Variants in PLXND1 observed in about 807,000 individuals in gnomAD.
PLXND1 encodes the protein plexin-D1.
Under a neutral mutation model 197.7 loss-of-function variants are expected in PLXND1, and 54 were observed. The observed-to-expected ratio is 0.27, with a 90% CI of 0.22 to 0.34. The LOEUF (loss-of-function observed/expected upper bound fraction) is 0.34, where lower values mean the gene tolerates loss of function less well. Among genes scored for constraint, PLXND1 ranks in the 10% least tolerant of loss-of-function variants. The probability of loss-of-function intolerance (pLI) is 1.00; values close to 1 mark genes in which losing one functional copy is unlikely to be tolerated. For missense variants in PLXND1, 2,127 were observed against 2,699.2 expected (o/e 0.79, Z 4.70); for synonymous variants, 1,180 against 1,161.2 (o/e 1.02, Z -0.33).
At chr3:129,562,026 CCT>C (rs2085069617) in intron 27 of PLXND1, 123 bp from the exon 28 acceptor site, 1 of 686,234 alleles carries the variant, frequency 1.5e-6, no homozygotes, top group African/African-American at 1.8e-5. Flanking sequence ...GCAAGCCATA[CCT>C]CTCTCTGAGC....
rs764619772 is a variant in PLXND1, at chr3:129,586,254, C to G, written c.1639G>C (p.Ala547Pro). Residue 547 changes from alanine to proline, a missense_variant, in exon 4 of 36, where the codon GCC becomes CCC. Ala to Pro is a conservative substitution (Grantham distance 27). This residue lies in a region of PLXND1 where 1,095 missense variants were observed against 1,259.8 expected (regional missense o/e 0.87). Transcript: ENST00000324093. ...TSHQMARVKVAACNVHSTCGD... is the reference protein window; with the variant it reads ...TSHQMARVKVPACNVHSTCGD... ...CAGGTGGAGTGCACGTTGCAGGCGG[C>G]GACCTTCACCCTGGCCATCTGGGGG... is the stretch of plus-strand genomic sequence containing the variant. 1 of 1,582,498 alleles carries G rather than the reference C, an allele frequency of 6.3e-7. No homozygotes were observed. The highest frequency in any genetic ancestry group is 2.0e-4 in the Middle Eastern group (1 of 5,058).
At chr3:129,581,165 C>T (rs980266960) in intron 8 of PLXND1, among the ~76,000 whole-genome samples, 4 of 152,242 alleles carry the variant, frequency 2.6e-5, no homozygotes, top group Non-Finnish European at 4.4e-5. Context: ...GCAGATCCCG[C>T]TGCCTGCTGC....
intron 1 of PLXND1, among the ~76,000 whole-genome samples, chr3:129,600,564 T>G (rs1481034892): frequency 6.6e-6 from 1 of 151,930 alleles, no homozygotes; most frequent in Admixed American, 6.6e-5. Context: ...GCTTATGGAC[T>G]GTATGCCCAT....
intron 8 of PLXND1, among the ~76,000 whole-genome samples, chr3:129,581,381 A>T (rs891754625): frequency 6.6e-6 from 1 of 152,156 alleles, no homozygotes; most frequent in African/African-American, 2.4e-5. Context: ...CAGCCATCTG[A>T]CAGGACGCTG....
rs1193781116 is a variant in PLXND1 at position 129,570,692 on chromosome 3, C to G, written c.3750+94G>C. On this transcript the variant is annotated intron_variant, in intron 19 of 35. Coordinates refer to ENST00000324093, the MANE Select transcript of PLXND1 (RefSeq NM_015103.3). ...CTGAGCTGTTGAGCGTGAAAACGCTCAGTGAATTCAGGTGCTGGGTGAGGG... is the reference window on the plus strand; with the variant it reads ...CTGAGCTGTTGAGCGTGAAAACGCTGAGTGAATTCAGGTGCTGGGTGAGGG... The G allele has an allele frequency of 2.4e-6, 3 of 1,258,794 alleles. No homozygotes were observed. The African/African-American group carries it at 4.4e-5, about 19-fold the overall frequency. The allele number at this position is 1,258,794 out of a possible 1,614,324, so 78.0% of individuals were successfully genotyped here.
intron 1 of PLXND1, among the ~76,000 whole-genome samples, chr3:129,604,218 C>A (rs1207549319): frequency 6.6e-6 from 1 of 152,204 alleles, no homozygotes; most frequent in African/African-American, 2.4e-5. Context: ...CCACGGCCCT[C>A]TCCTGCCCCC....
chr3:129,569,648 ATCT>A (rs2085193761), intron 20 of PLXND1, 192 bp downstream of exon 20: 4 of 570,412 alleles, frequency 7.0e-6, no homozygotes, highest in South Asian at 6.3e-5. Context: ...GCCACCTAAC[ATCT>A]TCTACCCATT....
rs199793511 is a variant in PLXND1 at position 129,574,473 on chromosome 3, C to T, written c.2548G>A (p.Ala850Thr). 7.4e-4 allele frequency: 1,199 copies of T among 1,612,968 alleles called. 16 individuals are homozygous for T. In the South Asian group the frequency reaches 8.7e-3, roughly 12 times the overall value. ...EPMTVMVYNC[A>T]MGSPDCSQCL... ...TGGGAACAGTCGGGGCTGCCCATGG[C>T]ACAGTTATAGACCATGACTGGGGAG... The change falls in exon 12 of 36, where the codon GCC (alanine) becomes ACC (threonine). Residue 850 changes from alanine (A) to threonine (T), a missense_variant. Physicochemically the swap from Ala to Thr is moderately conservative, Grantham distance 58 (BLOSUM62 0). Coordinates refer to ENST00000324093, the MANE Select transcript of PLXND1 (RefSeq NM_015103.3).
chr3:129,603,784 C>G (rs1018221034), intron 1 of PLXND1, among the ~76,000 whole-genome samples: 1 of 152,208 alleles, frequency 6.6e-6, no homozygotes, highest in African/African-American at 2.4e-5. Flanking sequence ...ATTCTTGTCA[C>G]AGCCATGGAG....
intron 16 of PLXND1, 21 bp downstream of exon 16, chr3:129,571,656 A>AG (rs761389982): frequency 6.2e-7 from 1 of 1,613,760 alleles, no homozygotes; most frequent in Non-Finnish European, 8.5e-7. Context: ...GCCTGGGGGA[A>AG]GGGCGGGGTG....
chr3:129,600,588 G>A (rs371611135), intron 1 of PLXND1, among the ~76,000 whole-genome samples: 8 of 151,994 alleles, frequency 5.3e-5, no homozygotes, highest in African/African-American at 1.2e-4. Context: ...CCTGGGGGTC[G>A]AGACATTCTC....
Position 129,606,010 on chromosome 3 carries a change from G to C in PLXND1, c.630C>G (p.Gly210=). The change falls in exon 1 of 36, where the codon GGC becomes GGG. Residue 210 remains glycine, a synonymous_variant. Transcript: ENST00000324093. ...AGCTGCCGTAACCGGTGTACGTGGC[G>C]CCCACGAGCAGGCGGCTGCCCCCCG... ...AGAGGSRLLV[G]ATYTGYGSSF... 6.2e-7 allele frequency: 1 copy of C among 1,608,296 alleles called. No homozygotes were observed. Among genetic ancestry groups the C allele is most frequent in the South Asian group, 1.1e-5 (1 of 90,882 alleles).
chr3:129,586,103 A>G, intron 4 of PLXND1, 22 bp from the exon 5 acceptor site: 2 of 1,613,626 alleles, frequency 1.2e-6, no homozygotes, highest in Non-Finnish European at 1.7e-6. Flanking sequence ...CCGCAGGGTC[A>G]GGACCCAGGT....
At chr3:129,567,301 G>A (rs2085154521) in intron 22 of PLXND1, among the ~76,000 whole-genome samples, 191 bp downstream of exon 22, 1 of 152,238 alleles carries the variant, frequency 6.6e-6, no homozygotes, top group Non-Finnish European at 1.5e-5. Context: ...AGTGAGCAGA[G>A]AATGACAGTG....
At chr3:129,592,341 A>G (rs1237881782) in intron 1 of PLXND1, among the ~76,000 whole-genome samples, 1 of 152,260 alleles carries the variant, frequency 6.6e-6, no homozygotes, top group Non-Finnish European at 1.5e-5. Flanking sequence ...CTAGGTAACT[A>G]AGTAACTTTT....
At chr3:129,573,055 T>C in intron 13 of PLXND1, 114 bp from the exon 14 acceptor site, 2 of 702,104 alleles carry the variant, frequency 2.8e-6, no homozygotes, top group Middle Eastern at 2.9e-4. Context: ...GCCTTCTATG[T>C]ATAATTTACC....
At position 129,589,537 on chromosome 3, in the gene PLXND1, G is replaced by T. The variant is rs751105131; in HGVS notation, c.1312-10C>A. On this transcript the variant is annotated splice_polypyrimidine_tract_variant and intron_variant, in intron 1 of 35. Transcript: ENST00000324093. Reference sequence around the variant, plus strand: ...GCTGCTCTGGCTGGAGCTGGAAGAGGAACGGCACGTCAGATCCCAGCTCCA... The same window carrying T: ...GCTGCTCTGGCTGGAGCTGGAAGAGTAACGGCACGTCAGATCCCAGCTCCA... 2.9e-5 allele frequency: 45 copies of T among 1,561,280 alleles called. No individual in the cohort carries two copies. The highest frequency in any genetic ancestry group is 3.8e-5 in the Non-Finnish European group (44 of 1,155,238).
chr3:129,583,364 A>G (rs1302656855), intron 8 of PLXND1, among the ~76,000 whole-genome samples: 1 of 152,210 alleles, frequency 6.6e-6, no homozygotes. Context: ...GGCTATATCA[A>G]AATGCAAAAA....
In PLXND1 at chr3:129,577,793, T is replaced by C. The variant is rs1471156790; in HGVS notation, c.2346+536A>G. Among the ~76,000 whole-genome samples, 1 of 152,218 alleles carries C rather than the reference T, an allele frequency of 6.6e-6. No homozygotes were observed. Among genetic ancestry groups the C allele is most frequent in the Non-Finnish European group, 1.5e-5 (1 of 68,028 alleles). ...GAGCACTGGTTGGGGAGTCCAGAGC[T>C]AAGCACAAGTCCAGCCCTGTGTTGT... On this transcript the variant is annotated intron_variant, in intron 9 of 35. Transcript: ENST00000324093. This position sits in a 1 kb window ranked among gnomAD's most constrained non-coding sequence, Gnocchi z 5.0.
Sources: allele counts gnomAD v4.1 joint callset (sites outside exome capture counted in the v4.1 genomes callset), GRCh38; gene constraint gnomAD v4.1.1; regional missense constraint gnomAD v4.1.1; non-coding constraint Gnocchi (gnomAD v3.1); transcripts MANE v1.5; gene names NCBI Gene and HGNC (gene_info 2026-07-23, HGNC 2026-07-21).